DCDC2: variants seen among roughly 807,000 people sequenced by gnomAD.
DCDC2 encodes the protein doublecortin domain-containing protein 2.
A neutral mutation model predicts 50.2 loss-of-function variants in DCDC2; 40 were observed. The ratio of observed to expected loss-of-function variants is 0.80; its 90% CI spans 0.62 to 1.04. The LOEUF is 1.04. Among genes scored for constraint, DCDC2 ranks in the 50% least tolerant of loss-of-function variants. DCDC2 has a pLI of 0.00. For missense variants in DCDC2, 570 were observed against 581.9 expected (o/e 0.98, Z 0.21); for synonymous variants, 234 against 210.6 (o/e 1.11, Z -0.96).
At chr6:24,185,688 TACACACACACACACACACACAC>T (rs35379687) in intron 8 of DCDC2, among the ~76,000 whole-genome samples, 19,040 of 144,504 alleles carry the variant, frequency 0.13, 1,485 homozygotes, top group East Asian at 0.39. Flanking sequence ...TCCATACACA[TACACACACACACACACACACAC>T]ACACACACAC....
chr6:24,231,568 C>A (rs1087290), intron 7 of DCDC2, among the ~76,000 whole-genome samples: 2 of 151,814 alleles, frequency 1.3e-5, no homozygotes, highest in African/African-American at 4.8e-5. Context: ...TCCCCTCCCC[C>A]ATCCTCCACC....
chr6:24,274,605 C>CAAAAAAAAA (rs61569208), intron 7 of DCDC2, among the ~76,000 whole-genome samples: 20 of 82,410 alleles, frequency 2.4e-4, no homozygotes, highest in African/African-American at 3.7e-4. Context: ...GAAACAGAGT[C>CAAAAAAAAA]AAAAAAAAAA....
At chr6:24,301,684 C>T (rs759600645) in intron 4 of DCDC2, 31 bp downstream of exon 4, 12 of 1,608,682 alleles carry the variant, frequency 7.5e-6, no homozygotes, top group Non-Finnish European at 1.0e-5. Flanking sequence ...AATTCAAAAA[C>T]TCCTCCACTT....
chr6:24,294,203 A>G (rs1270082670), intron 4 of DCDC2, among the ~76,000 whole-genome samples: 2 of 152,146 alleles, frequency 1.3e-5, no homozygotes, highest in East Asian at 3.9e-4. Context: ...CAAAAAATAC[A>G]AAAAAATTAG....
At chr6:24,360,961 C>G (rs2792666), upstream of DCDC2, among the ~76,000 whole-genome samples, 65,464 of 151,862 alleles carry the variant, frequency 0.43, 15,535 homozygotes, top group Non-Finnish European at 0.54. Flanking sequence ...GATTAGAAAA[C>G]GAAAGAGAGA....
At chr6:24,313,705 C>G (rs1026043271) in intron 2 of DCDC2, among the ~76,000 whole-genome samples, 2 of 152,186 alleles carry the variant, frequency 1.3e-5, no homozygotes, top group African/African-American at 4.8e-5. Flanking sequence ...GGAGAATGTG[C>G]CAACTGTACA....
chr6:24,180,488 C>T (rs1761046819), intron 8 of DCDC2, among the ~76,000 whole-genome samples: 1 of 151,860 alleles, frequency 6.6e-6, no homozygotes, highest in Non-Finnish European at 1.5e-5. Flanking sequence ...CGGGGTTTCA[C>T]CATGTTAGCC....
intron 2 of DCDC2, among the ~76,000 whole-genome samples, chr6:24,322,492 C>T (rs1490842573): frequency 1.4e-5 from 2 of 142,328 alleles, no homozygotes; most frequent in Non-Finnish European, 1.5e-5. Flanking sequence ...GTTTTCCTTC[C>T]TTTTTTTTTT....
intron 4 of DCDC2, among the ~76,000 whole-genome samples, chr6:24,293,459 A>C (rs1763795566): frequency 6.6e-6 from 1 of 152,202 alleles, no homozygotes; most frequent in Admixed American, 6.5e-5. Flanking sequence ...CAAATCTCTC[A>C]TATCTGCCAT....
the DCDC2 span, among the ~76,000 whole-genome samples, chr6:24,366,684 AC>A: frequency 6.6e-6 from 1 of 152,226 alleles, no homozygotes; most frequent in East Asian, 1.9e-4. Flanking sequence ...TGTATTAGAA[AC>A]CATTATGGAG....
chr6:24,204,006 G>A (rs1404326039), intron 8 of DCDC2, among the ~76,000 whole-genome samples: 2 of 152,208 alleles, frequency 1.3e-5, no homozygotes, highest in East Asian at 1.9e-4. Context: ...TGGAGAGGAT[G>A]TGGAGAAATA....
chr6:24,380,584 T>C, the DCDC2 span, among the ~76,000 whole-genome samples: 1 of 152,204 alleles, frequency 6.6e-6, no homozygotes, highest in Non-Finnish European at 1.5e-5. Flanking sequence ...CCCTTTGATG[T>C]GTTTCAGTGT....
At chr6:24,202,477 A>G (rs1016765373) in intron 8 of DCDC2, among the ~76,000 whole-genome samples, 5 of 152,178 alleles carry the variant, frequency 3.3e-5, no homozygotes, top group African/African-American at 9.6e-5. Flanking sequence ...TTGATGGAAT[A>G]TATCTCAAAA....
At chr6:24,307,336 T>C (rs1759491596) in intron 2 of DCDC2, among the ~76,000 whole-genome samples, 1 of 152,198 alleles carries the variant, frequency 6.6e-6, no homozygotes, top group South Asian at 2.1e-4. Context: ...GAAGAACTGA[T>C]TATAGAATTT....
chr6:24,302,565 T>TC (rs1759401694), intron 2 of DCDC2, among the ~76,000 whole-genome samples: 1 of 151,912 alleles, frequency 6.6e-6, no homozygotes, highest in African/African-American at 2.4e-5. Context: ...TTCTCCCCTA[T>TC]CCCCCATTGA....
At chr6:24,367,864 T>A in the DCDC2 span, among the ~76,000 whole-genome samples, 1 of 152,282 alleles carries the variant, frequency 6.6e-6, no homozygotes, top group Non-Finnish European at 1.5e-5. Flanking sequence ...ACAGGAATTA[T>A]CACAGGCAGA....
Position 24,353,629 on chromosome 6 carries a change from GA to G in DCDC2, c.294-7del. ...TTTCTCCTATGTCCAAGTAACTGAG[GA>G]AAAAACAAACAAACAATAAGAGTTG... On this transcript the variant is annotated splice_region_variant and splice_polypyrimidine_tract_variant and intron_variant, in intron 1 of 9. Coordinates refer to ENST00000378454, the MANE Select transcript of DCDC2 (RefSeq NM_016356.5). 1.3e-6 allele frequency: 2 copies of G among 1,562,668 alleles called. No individual in the cohort carries two copies. The highest frequency in any genetic ancestry group is 1.4e-5 in the African/African-American group (1 of 72,964).
chr6:24,317,874 A>G (rs1359824676), intron 2 of DCDC2, among the ~76,000 whole-genome samples: 1 of 152,046 alleles, frequency 6.6e-6, no homozygotes, highest in Non-Finnish European at 1.5e-5. Context: ...AAAAAAATCT[A>G]AAAATTGATC....
At chr6:24,240,641 T>C (rs988088437) in intron 7 of DCDC2, among the ~76,000 whole-genome samples, 3 of 152,152 alleles carry the variant, frequency 2.0e-5, no homozygotes, top group Non-Finnish European at 4.4e-5. Flanking sequence ...ATCAAAGTAA[T>C]ACAAAAGGGC....
Sources: allele counts gnomAD v4.1 joint callset (sites outside exome capture counted in the v4.1 genomes callset), GRCh38; gene constraint gnomAD v4.1.1; transcripts MANE v1.5; gene names NCBI Gene and HGNC (gene_info 2026-07-23, HGNC 2026-07-21).